Variants in ZDHHC3 observed in about 807,000 individuals in gnomAD.
ZDHHC3 encodes palmitoyltransferase ZDHHC3.
ZDHHC3 carries 9 observed loss-of-function variants against 30.6 expected under a neutral mutation model. That is an observed-to-expected ratio of 0.29 (90% CI 0.18 to 0.51). The LOEUF (loss-of-function observed/expected upper bound fraction) is 0.51. Among genes scored for constraint, ZDHHC3 ranks in the 20% least tolerant of loss-of-function variants. ZDHHC3 has a pLI of 0.97. For missense variants in ZDHHC3, 246 were observed against 384.2 expected, an observed-to-expected ratio of 0.64 and a Z score of 3.01; for synonymous variants, 136 against 140.2, an observed-to-expected ratio of 0.97 and a Z score of 0.21.
In ZDHHC3 at chr3:44,922,275, G is replaced by C. The variant is rs909556464; in HGVS notation, c.*4414C>G. On this transcript the variant is annotated 3_prime_UTR_variant, in exon 7 of 7. Transcript: ENST00000424952. ...GGTCATGTATCCAGGCTGCTACAAT[G>C]CCCCTGGCTCTAGACTACTCACCGG... 1.0e-6 allele frequency: 1 copy of C among 985,308 alleles called. No homozygotes were observed. Among genetic ancestry groups the C allele is most frequent in the Non-Finnish European group, 1.2e-6 (1 of 829,944 alleles). The allele number at this position is 985,308 out of a possible 1,614,324, so 61.0% of individuals were successfully genotyped here.
In ZDHHC3 at chr3:44,922,711, A is replaced by G. The variant is rs879701921; in HGVS notation, c.*3978T>C. The G allele has an allele frequency of 1.5e-5, 15 of 985,152 alleles. No homozygotes were observed. The highest frequency in any genetic ancestry group is 1.7e-5 in the Non-Finnish European group (14 of 829,714). The allele number at this position is 985,152 out of a possible 1,614,324, so 61.0% of individuals were successfully genotyped here. A position where few individuals can be genotyped will look rare whatever the true frequency, so the allele number is the denominator to read the frequency against. ...AGTCAGAATCACCTGGAGGGCTGTT[A>G]AGACACGGGCTGCTGGGCCCCGCTC... On this transcript the variant is annotated 3_prime_UTR_variant, in exon 7 of 7. Coordinates refer to ENST00000424952, the MANE Select transcript of ZDHHC3 (RefSeq NM_001135179.2).
chr3:44,925,756 T>C lies in ZDHHC3; in HGVS notation c.*933A>G. ...TGAATCCACTTTGAGGTTTATAAAA[T>C]GAGAAGGGGATGATGGTGGGGCTGT... On this transcript the variant is annotated 3_prime_UTR_variant, in exon 7 of 7. Coordinates refer to ENST00000424952, the MANE Select transcript of ZDHHC3 (RefSeq NM_001135179.2). The C allele has an allele frequency of 1.0e-6, 1 of 985,676 alleles. No homozygotes were observed. Among genetic ancestry groups the C allele is most frequent in the Non-Finnish European group, 1.2e-6 (1 of 829,914 alleles). The allele number at this position is 985,676 out of a possible 1,614,324, so 61.1% of individuals were successfully genotyped here. A position where few individuals can be genotyped will look rare whatever the true frequency, so the allele number is the denominator to read the frequency against.
chr3:44,936,627 ATGACAGAT>A (rs1466640942), intron 3 of ZDHHC3, among the ~76,000 whole-genome samples: 2 of 152,218 alleles, frequency 1.3e-5, no homozygotes, highest in Non-Finnish European at 2.9e-5. Context: ...AACCTAAATG[ATGACAGAT>A]TGACTAGAGA....
At chr3:44,927,889 G>A (rs1336905836) in intron 6 of ZDHHC3, among the ~76,000 whole-genome samples, 1 of 152,228 alleles carries the variant, frequency 6.6e-6, no homozygotes, top group African/African-American at 2.4e-5. Flanking sequence ...AGGGACCTGG[G>A]AAGGGCACAG....
At chr3:44,966,123 C>T (rs1253657506) in intron 1 of ZDHHC3, among the ~76,000 whole-genome samples, 2 of 152,178 alleles carry the variant, frequency 1.3e-5, no homozygotes, top group African/African-American at 4.8e-5. Flanking sequence ...AATCTATATA[C>T]TTAAAACAAA....
In ZDHHC3 at chr3:44,921,568, T is replaced by C. The variant is rs1700596993; in HGVS notation, c.*5121A>G. On this transcript the variant is annotated 3_prime_UTR_variant, in exon 7 of 7. Coordinates refer to ENST00000424952, the MANE Select transcript of ZDHHC3 (RefSeq NM_001135179.2). ...GCTGGTTGCAAACCATGAATGGCTGTGACCAATGGTTTGAAAAGCACAGCT... is the reference window on the plus strand; with the variant it reads ...GCTGGTTGCAAACCATGAATGGCTGCGACCAATGGTTTGAAAAGCACAGCT... The C allele has an allele frequency of 1.0e-6, 1 of 985,354 alleles. No homozygotes were observed. The highest frequency in any genetic ancestry group is 6.1e-5 in the Admixed American group (1 of 16,272). The allele number at this position is 985,354 out of a possible 1,614,324, so 61.0% of individuals were successfully genotyped here.
At chr3:44,942,180 C>T (rs1489086401) in intron 3 of ZDHHC3, among the ~76,000 whole-genome samples, 1 of 152,258 alleles carries the variant, frequency 6.6e-6, no homozygotes. Context: ...CACACATGCA[C>T]CTTTGCCTGA....
chr3:44,932,663 T>C (rs1214686549), intron 5 of ZDHHC3, among the ~76,000 whole-genome samples: 1 of 152,032 alleles, frequency 6.6e-6, no homozygotes, highest in Non-Finnish European at 1.5e-5. Flanking sequence ...AAAAACACCA[T>C]CACAAAAACC....
intron 1 of ZDHHC3, chr3:44,969,999 C>A (rs1161304178): frequency 2.0e-5 from 3 of 152,232 alleles, no homozygotes; most frequent in African/African-American, 7.2e-5. Context: ...TCATGTGCAG[C>A]CACACAGCCA....
intron 2 of ZDHHC3, among the ~76,000 whole-genome samples, chr3:44,956,506 G>C (rs573668826): frequency 2.6e-5 from 4 of 152,304 alleles, no homozygotes; most frequent in South Asian, 4.1e-4. Context: ...TGGCCTGAGA[G>C]GTAAATGTGA....
chr3:44,950,904 G>A (rs949617045), intron 2 of ZDHHC3, among the ~76,000 whole-genome samples: 3 of 152,050 alleles, frequency 2.0e-5, no homozygotes, highest in Non-Finnish European at 4.4e-5. Flanking sequence ...CCTACCCCAC[G>A]TTCTTACACA....
At chr3:44,935,529 T>C (rs1057476794) in intron 3 of ZDHHC3, among the ~76,000 whole-genome samples, 4 of 152,232 alleles carry the variant, frequency 2.6e-5, no homozygotes, top group African/African-American at 9.6e-5. Context: ...CCCAAAGTGC[T>C]GGGATGACAG....
At chr3:44,967,035 T>C (rs1056929455) in intron 1 of ZDHHC3, among the ~76,000 whole-genome samples, 2 of 152,190 alleles carry the variant, frequency 1.3e-5, no homozygotes, top group Non-Finnish European at 2.9e-5. Flanking sequence ...TAGCAGGGGC[T>C]GTCTCCCTCT....
chr3:44,924,270 A>C lies in ZDHHC3; in HGVS notation c.*2419T>G. 12 of 985,494 alleles carry C rather than the reference A, an allele frequency of 1.2e-5. No individual in the cohort carries two copies. The highest frequency in any genetic ancestry group is 1.3e-5 in the Non-Finnish European group (11 of 829,944). 61.0% of individuals were successfully genotyped at this position (985,494 alleles called of 1,614,324 possible). ...TCCCTTCCTGTCCTGTGTGGAAGCC[A>C]GGCTGGGAACCAATCACTACCCTGC... is the stretch of plus-strand genomic sequence containing the variant. On this transcript the variant is annotated 3_prime_UTR_variant, in exon 7 of 7. Transcript: ENST00000424952.
chr3:44,958,499 G>A, intron 2 of ZDHHC3: 1 of 1,094,628 alleles, frequency 9.1e-7, no homozygotes, highest in Non-Finnish European at 1.3e-6. Context: ...ATACCAGGGT[G>A]CACAAACATT....
Position 44,923,287 on chromosome 3 carries a change from A to G in ZDHHC3, c.*3402T>C. On this transcript the variant is annotated 3_prime_UTR_variant, in exon 7 of 7. Coordinates refer to ENST00000424952, the MANE Select transcript of ZDHHC3 (RefSeq NM_001135179.2). ...GAGACAGGGTTTCACCGTGTTAGCC[A>G]GGATGATCTCGATCTCTTGACCTCG... 1.1e-6 allele frequency: 1 copy of G among 942,794 alleles called. No homozygotes were observed. Among genetic ancestry groups the G allele is most frequent in the Non-Finnish European group, 1.3e-6 (1 of 791,218 alleles). 58.4% of individuals were successfully genotyped at this position (942,794 alleles called of 1,614,324 possible).
At chr3:44,943,826 T>C (rs1702659041) in intron 3 of ZDHHC3, among the ~76,000 whole-genome samples, 1 of 152,100 alleles carries the variant, frequency 6.6e-6, no homozygotes, top group Non-Finnish European at 1.5e-5. Flanking sequence ...GGCAACAAAG[T>C]GAGACTGTGT....
In ZDHHC3 at chr3:44,926,185, G is replaced by A; in HGVS notation, c.*504C>T. ...CTGTGCCAAGGTCCCTTCTGATCCT[G>A]CCCTTCTCAGGCCTCAAGGGGTAAG... On this transcript the variant is annotated 3_prime_UTR_variant, in exon 7 of 7. Coordinates refer to ENST00000424952, the MANE Select transcript of ZDHHC3 (RefSeq NM_001135179.2). 1.0e-6 allele frequency: 1 copy of A among 985,822 alleles called. No homozygotes were observed. Among genetic ancestry groups the A allele is most frequent in the Non-Finnish European group, 1.2e-6 (1 of 830,128 alleles). The allele number at this position is 985,822 out of a possible 1,614,324, so 61.1% of individuals were successfully genotyped here.
In ZDHHC3 at chr3:44,923,896, T is replaced by TAC. The variant is rs1284014773; in HGVS notation, c.*2791_*2792dup. ...CACTTCTACCCAAATGTGTTTTGTGTACATGATATTACCAAGCCCATGCAA... is the reference window on the plus strand; with the variant it reads ...CACTTCTACCCAAATGTGTTTTGTGTACACATGATATTACCAAGCCCATGCAA... On this transcript the variant is annotated 3_prime_UTR_variant, in exon 7 of 7. Transcript: ENST00000424952. 2.0e-6 allele frequency: 2 copies of TAC among 985,342 alleles called. No individual in the cohort carries two copies. Among genetic ancestry groups the TAC allele is most frequent in the African/African-American group, 3.5e-5 (2 of 57,244 alleles). The allele number at this position is 985,342 out of a possible 1,614,324, so 61.0% of individuals were successfully genotyped here.
Sources: allele counts gnomAD v4.1 joint callset (sites outside exome capture counted in the v4.1 genomes callset), GRCh38; gene constraint gnomAD v4.1.1; transcripts MANE v1.5; gene names NCBI Gene and HGNC (gene_info 2026-07-23, HGNC 2026-07-21).